Variants in PGAP4 observed in about 807,000 individuals in gnomAD.
The protein encoded by PGAP4 is GPI-N-acetylgalactosamine transferase PGAP4.
In PGAP4, 12 loss-of-function variants were observed where a neutral mutation model predicts 28.2. That is an observed-to-expected ratio of 0.42 (90% confidence interval 0.27 to 0.69). PGAP4 has a LOEUF of 0.69. Among genes scored for constraint, PGAP4 ranks in the 30% least tolerant of loss-of-function variants. The pLI, the probability that PGAP4 is intolerant of heterozygous loss-of-function variation, is 0.22. For synonymous variants in PGAP4, 205 were observed against 211.8 expected (o/e 0.97, Z 0.28); for missense variants, 425 against 513.5 (o/e 0.83, Z 1.67).
chr9:101,503,510 TTTA>T (rs1826821020), intron 2 of PGAP4, among the ~76,000 whole-genome samples: 1 of 152,094 alleles, frequency 6.6e-6, no homozygotes, highest in South Asian at 2.1e-4. Context: ...TTCAAGGATG[TTTA>T]TTATTATAAT....
intron 1 of PGAP4, among the ~76,000 whole-genome samples, chr9:101,478,164 A>G (rs1588194183): frequency 1.3e-5 from 2 of 152,372 alleles, no homozygotes; most frequent in African/African-American, 4.8e-5. Context: ...AATGTGTTAG[A>G]AAGCAAAATA....
chr9:101,518,133 T>C (rs1826957023), intron 2 of PGAP4, among the ~76,000 whole-genome samples: 1 of 152,144 alleles, frequency 6.6e-6, no homozygotes, highest in Non-Finnish European at 1.5e-5. Flanking sequence ...GAATATGCAG[T>C]ATTTGGTTTT....
rs556242750 is a variant in PGAP4, at chr9:101,482,938, C to A, written c.-78+4011G>T. ...CATCTATTTCTTCTGAACAAAATAG[C>A]AACTCTCAAAATAGCAATGGAATTA... On this transcript the variant is annotated intron_variant, in intron 1 of 1. Coordinates refer to ENST00000374848, the MANE Select transcript of PGAP4 (RefSeq NM_032342.3). 2.0e-5 allele frequency among the ~76,000 whole-genome samples: 3 copies of A among 152,270 alleles called. No homozygotes were observed. The South Asian group carries it at 6.2e-4, about 32-fold the overall frequency.
chr9:101,520,099 T>C (rs1826976910), intron 2 of PGAP4, among the ~76,000 whole-genome samples: 1 of 152,224 alleles, frequency 6.6e-6, no homozygotes, highest in African/African-American at 2.4e-5. Context: ...ACCAGTGCCG[T>C]GCTGTTTTGG....
At position 101,496,023 on chromosome 9, in the gene PGAP4, C is replaced by G. The variant is rs1241257291; in HGVS notation, c.-164-6823G>C. Among the ~76,000 whole-genome samples the G allele has an allele frequency of 3.3e-5, 5 of 151,444 alleles. No homozygotes were observed. The South Asian group carries it at 8.3e-4, about 25-fold the overall frequency. On this transcript the variant is annotated intron_variant, in intron 2 of 3. Coordinates refer to the PGAP4 transcript ENST00000374851. ...GAACTATATTATAGAGGAATGTAAA[C>G]AGGAAAATGCCTTGAGCAGGGAAAT...
At chr9:101,528,520 C>T (rs902064318) in intron 2 of PGAP4, among the ~76,000 whole-genome samples, 1 of 152,018 alleles carries the variant, frequency 6.6e-6, no homozygotes, top group African/African-American at 2.4e-5. Flanking sequence ...CATGCTGTAC[C>T]CCCATCCCCA....
Position 101,494,261 on chromosome 9 carries a change from G to C in PGAP4, c.-164-5061C>G, listed in dbSNP as rs191566730. On this transcript the variant is annotated intron_variant, in intron 2 of 3. Transcript: ENST00000374851. Reference sequence around the variant, plus strand: ...TTAAAGCATATTTTGTTTATAAAGAGAGAGCAGATTTTAATTGAAATTATG... The same window carrying C: ...TTAAAGCATATTTTGTTTATAAAGACAGAGCAGATTTTAATTGAAATTATG... 5.3e-5 allele frequency among the ~76,000 whole-genome samples: 8 copies of C among 151,946 alleles called. No homozygotes were observed. In the East Asian group the frequency reaches 1.4e-3, roughly 26 times the overall value.
At position 101,486,775 on chromosome 9, in the gene PGAP4, GC is replaced by G. The variant is rs1288766872; in HGVS notation, c.-78+173del. 1.3e-5 allele frequency among the ~76,000 whole-genome samples: 2 copies of G among 152,170 alleles called. No individual in the cohort carries two copies. The highest frequency in any genetic ancestry group is 1.9e-4 in the East Asian group (1 of 5,168). On this transcript the variant is annotated intron_variant, in intron 1 of 1. Coordinates refer to ENST00000374848, the MANE Select transcript of PGAP4 (RefSeq NM_032342.3). The surrounding 1 kb of genome is among the most constrained non-coding windows in gnomAD (Gnocchi z 4.7). ...GGCAGGGCCGCTAGGCAACCCGCCT[GC>G]CCGAGGCGCACTGCCCGGGGCACAG... is the stretch of plus-strand genomic sequence containing the variant.
intron 2 of PGAP4, among the ~76,000 whole-genome samples, chr9:101,517,218 C>A (rs576972459): frequency 6.6e-6 from 1 of 151,892 alleles, no homozygotes; most frequent in East Asian, 1.9e-4. Flanking sequence ...AGATGAGCTG[C>A]TGAAATGAGA....
chr9:101,520,218 T>C (rs983262595), intron 2 of PGAP4, among the ~76,000 whole-genome samples: 6 of 152,150 alleles, frequency 3.9e-5, no homozygotes, highest in African/African-American at 1.4e-4. Context: ...CCATATGAAT[T>C]TTAGAATTGT....
chr9:101,522,027 G>T (rs536827228), intron 2 of PGAP4, among the ~76,000 whole-genome samples: 6 of 152,072 alleles, frequency 3.9e-5, no homozygotes, highest in Non-Finnish European at 4.4e-5. Flanking sequence ...TGTTTCAAAG[G>T]TTCCTTTTGG....
intron 2 of PGAP4, among the ~76,000 whole-genome samples, chr9:101,497,976 A>T (rs1211243649): frequency 6.6e-6 from 1 of 151,858 alleles, no homozygotes; most frequent in Non-Finnish European, 1.5e-5. Context: ...AGTTTGTAAA[A>T]GATAGTTGGA....
chr9:101,483,062 G>A (rs1439378343), intron 1 of PGAP4, among the ~76,000 whole-genome samples: 1 of 152,200 alleles, frequency 6.6e-6, no homozygotes, highest in African/African-American at 2.4e-5. Context: ...GATGCCTGTT[G>A]TCTTCCATGG....
chr9:101,495,362 A>G (rs1588204702), intron 2 of PGAP4, among the ~76,000 whole-genome samples: 4 of 136,318 alleles, frequency 2.9e-5, no homozygotes, highest in South Asian at 2.2e-4. Context: ...ATATGTAGTT[A>G]TATTTTATAT....
At chr9:101,528,379 C>T (rs941286777) in intron 2 of PGAP4, among the ~76,000 whole-genome samples, 1 of 152,138 alleles carries the variant, frequency 6.6e-6, no homozygotes, top group Non-Finnish European at 1.5e-5. Context: ...CCATGAAAAC[C>T]TAAATTCTCC....
intron 2 of PGAP4, among the ~76,000 whole-genome samples, chr9:101,516,537 G>A (rs942665770): frequency 2.0e-5 from 3 of 152,148 alleles, no homozygotes; most frequent in Admixed American, 1.3e-4. Context: ...TAAAGTAGAA[G>A]TAAATGCTCA....
upstream of PGAP4, among the ~76,000 whole-genome samples, chr9:101,488,153 T>C (rs578246769): frequency 8.0e-4 from 122 of 152,296 alleles, 1 homozygote; most frequent in African/African-American, 2.6e-3. Flanking sequence ...CAGCATTTAC[T>C]GAAGAATGGT....
chr9:101,498,451 G>C (rs926893307), intron 2 of PGAP4, among the ~76,000 whole-genome samples: 48 of 151,376 alleles, frequency 3.2e-4, no homozygotes, highest in Admixed American at 2.6e-4. Context: ...AGTTACTGTG[G>C]AGCTGTTGTA....
chr9:101,482,886 A>G (rs1826525981), intron 1 of PGAP4, among the ~76,000 whole-genome samples: 1 of 152,182 alleles, frequency 6.6e-6, no homozygotes, highest in Admixed American at 6.5e-5. Flanking sequence ...GCCATACTAC[A>G]TATCCCAATG....
Sources: gnomAD v4.1 joint callset for allele counts (sites outside exome capture counted in the v4.1 genomes callset) on GRCh38, gnomAD v4.1.1 for gene constraint, Gnocchi (gnomAD v3.1) non-coding constraint, MANE v1.5 for transcripts, NCBI Gene and HGNC (gene_info 2026-07-23, HGNC 2026-07-21) for gene names.